The following PELI2 variants were observed in gnomAD, a reference collection of about 807,000 sequenced individuals.
PELI2 encodes the protein pellino E3 ubiquitin protein ligase family member 2.
PELI2 carries 23 observed loss-of-function variants against 42.3 expected under a neutral mutation model. The ratio of observed to expected loss-of-function variants is 0.54; its 90% CI spans 0.39 to 0.77. PELI2 has a LOEUF of 0.77. Among genes scored for constraint, PELI2 ranks in the 30% least tolerant of loss-of-function variants. The pLI is 0.00. For synonymous variants in PELI2, 245 were observed against 212.2 expected, an observed-to-expected ratio of 1.15 and a Z score of -1.34; for missense variants, 463 against 553.2, an observed-to-expected ratio of 0.84 and a Z score of 1.64.
Position 56,286,729 on chromosome 14 carries a change from GTTTTTTTGTTGT to G in PELI2, c.310-1694_310-1683del, listed in dbSNP as rs201759553. On this transcript the variant is annotated intron_variant, in intron 3 of 5. Coordinates refer to ENST00000267460, the MANE Select transcript of PELI2 (RefSeq NM_021255.3). ...TTCAGCAGGAAAGTGACTTAGTTTTGTTTTTTTGTTGTTTTTTTTGTTGTTGTTGTTGTTTTG... is the reference window on the plus strand; with the variant it reads ...TTCAGCAGGAAAGTGACTTAGTTTTGTTTTTTTGTTGTTGTTGTTGTTTTG... Among the ~76,000 whole-genome samples the G allele has an allele frequency of 5.9e-4, 89 of 152,052 alleles. No individual in the cohort carries two copies. The East Asian group carries it at 0.012, about 20-fold the overall frequency.
chr14:56,158,059 A>G (rs1038262968), intron 1 of PELI2, among the ~76,000 whole-genome samples: 1 of 152,026 alleles, frequency 6.6e-6, no homozygotes. Flanking sequence ...ATGTAGTCTC[A>G]CTCTGTTGCC....
intron 2 of PELI2, among the ~76,000 whole-genome samples, chr14:56,240,407 T>A (rs1165141419): frequency 6.6e-6 from 1 of 152,066 alleles, no homozygotes; most frequent in Non-Finnish European, 1.5e-5. Context: ...GCAACAAGGA[T>A]GATGCCAAAA....
rs138871650 is a variant in PELI2, at chr14:56,271,899, C to T, written c.208-7777C>T. Among the ~76,000 whole-genome samples, 266 of 152,306 alleles carry T rather than the reference C, an allele frequency of 1.7e-3. 1 individual carries two copies. The highest frequency in any genetic ancestry group is 3.7e-3 in the African/African-American group (155 of 41,566). On this transcript the variant is annotated intron_variant, in intron 2 of 5. Coordinates refer to ENST00000267460, the MANE Select transcript of PELI2 (RefSeq NM_021255.3). Reference sequence around the variant, plus strand: ...CCCAGAGCACATCCAGCCCCAGGGACTCTTTCTTCCCAGGCATTTTGCGGG... The same window carrying T: ...CCCAGAGCACATCCAGCCCCAGGGATTCTTTCTTCCCAGGCATTTTGCGGG...
intron 2 of PELI2, among the ~76,000 whole-genome samples, chr14:56,268,910 T>C (rs1889001559): frequency 6.6e-6 from 1 of 152,164 alleles, no homozygotes; most frequent in South Asian, 2.1e-4. Context: ...ACGGAGTCAT[T>C]GTTGGGAGGT....
intron 2 of PELI2, among the ~76,000 whole-genome samples, chr14:56,272,140 A>G (rs1476766687): frequency 6.6e-6 from 1 of 152,204 alleles, no homozygotes; most frequent in Non-Finnish European, 1.5e-5. Flanking sequence ...TTTCAAAAAC[A>G]TTCATTTGAT....
chr14:56,177,472 C>G (rs556235663), intron 1 of PELI2, among the ~76,000 whole-genome samples: 21 of 152,260 alleles, frequency 1.4e-4, no homozygotes, highest in African/African-American at 4.6e-4. Context: ...AAAAGAACTT[C>G]CGCCAAGGTG....
intron 3 of PELI2, among the ~76,000 whole-genome samples, chr14:56,282,073 T>A (rs149061611): frequency 6.6e-6 from 1 of 152,158 alleles, no homozygotes; most frequent in Non-Finnish European, 1.5e-5. Context: ...CCCAGAGATA[T>A]CCTTACCTAC....
intron 1 of PELI2, among the ~76,000 whole-genome samples, chr14:56,150,470 AT>A (rs1055474230): frequency 6.6e-6 from 1 of 150,380 alleles, no homozygotes; most frequent in Non-Finnish European, 1.5e-5. Flanking sequence ...AAGATAAGTG[AT>A]TTTTTTTTTC....
At chr14:56,120,156 A>G (rs1883009076) in intron 1 of PELI2, among the ~76,000 whole-genome samples, 1 of 152,184 alleles carries the variant, frequency 6.6e-6, no homozygotes, top group Non-Finnish European at 1.5e-5. Context: ...TCAAAGACAA[A>G]TATCAGGGTT....
At chr14:56,275,746 A>C (rs1245037246) in intron 2 of PELI2, among the ~76,000 whole-genome samples, 1 of 152,152 alleles carries the variant, frequency 6.6e-6, no homozygotes, top group Non-Finnish European at 1.5e-5. Context: ...CTAACAGGCC[A>C]CAGACTGATA....
chr14:56,271,726 A>G (rs1889110710), intron 2 of PELI2, among the ~76,000 whole-genome samples: 1 of 152,216 alleles, frequency 6.6e-6, no homozygotes, highest in Non-Finnish European at 1.5e-5. Flanking sequence ...TAGAACCTAG[A>G]AGACAAAGAG....
chr14:56,136,014 G>A (rs772093425), intron 1 of PELI2, among the ~76,000 whole-genome samples: 1 of 152,176 alleles, frequency 6.6e-6, no homozygotes, highest in Non-Finnish European at 1.5e-5. Context: ...GAACATTAGT[G>A]ATTGTTGAAT....
chr14:56,233,607 A>T (rs180903258), intron 2 of PELI2, among the ~76,000 whole-genome samples: 1 of 152,250 alleles, frequency 6.6e-6, no homozygotes, highest in Admixed American at 6.5e-5. Flanking sequence ...AATTAACTCA[A>T]GATGGATTAA....
intron 2 of PELI2, among the ~76,000 whole-genome samples, chr14:56,210,432 T>G (rs1385671588): frequency 4.0e-5 from 6 of 149,430 alleles, no homozygotes; most frequent in African/African-American, 1.2e-4. Context: ...ATGATTTTGG[T>G]TTTTTTTTTC....
intron 3 of PELI2, among the ~76,000 whole-genome samples, chr14:56,280,259 G>A (rs976434775): frequency 2.6e-5 from 4 of 151,960 alleles, no homozygotes; most frequent in African/African-American, 9.7e-5. Flanking sequence ...AAGATCAAGG[G>A]ACTAAACATT....
In PELI2 at chr14:56,297,318, G is replaced by A. The variant is rs943543648; in HGVS notation, c.*152G>A. The stretch of plus-strand genomic sequence containing the variant: ...GGGGACATGGTGATGAAACATGGCA[G>A]GAGTGTAACAGATACCAGTGGTGTG... On this transcript the variant is annotated 3_prime_UTR_variant, in exon 6 of 6. Coordinates refer to ENST00000267460, the MANE Select transcript of PELI2 (RefSeq NM_021255.3). 5 of 616,718 alleles carry A rather than the reference G, an allele frequency of 8.1e-6. No homozygotes were observed. The African/African-American group carries it at 9.2e-5, about 11-fold the overall frequency. The allele number at this position is 616,718 out of a possible 1,614,324, so 38.2% of individuals were successfully genotyped here.
At chr14:56,135,559 T>G (rs1883656279) in intron 1 of PELI2, among the ~76,000 whole-genome samples, 1 of 152,222 alleles carries the variant, frequency 6.6e-6, no homozygotes, top group Non-Finnish European at 1.5e-5. Context: ...CAAGTGAGAT[T>G]TCTTCAAGAG....
At chr14:56,155,815 C>T (rs1000264999) in intron 1 of PELI2, among the ~76,000 whole-genome samples, 8 of 152,076 alleles carry the variant, frequency 5.3e-5, no homozygotes, top group African/African-American at 1.9e-4. Context: ...GATCTCTTGA[C>T]CTCGTGATCC....
intron 2 of PELI2, 82 bp from the exon 3 acceptor site, chr14:56,279,594 A>C: frequency 1.4e-6 from 1 of 732,304 alleles, no homozygotes. Context: ...TTGCCAGTAG[A>C]GTGGTGGCTC....
Sources: allele counts gnomAD v4.1 joint callset (sites outside exome capture counted in the v4.1 genomes callset), GRCh38; gene constraint gnomAD v4.1.1; transcripts MANE v1.5; gene names NCBI Gene and HGNC (gene_info 2026-07-23, HGNC 2026-07-21).